The following SPHKAP variants were observed in gnomAD, a reference collection of about 807,000 sequenced individuals.
SPHKAP encodes SPHK1 interactor, AKAP domain containing, also known as A-kinase anchor protein SPHKAP.
In SPHKAP, 67 loss-of-function variants were observed where a neutral mutation model predicts 137.5. That is an observed-to-expected ratio of 0.49 (90% CI 0.40 to 0.60). The LOEUF is 0.60. Among genes scored for constraint, SPHKAP ranks in the 20% least tolerant of loss-of-function variants. The pLI, the probability that SPHKAP is intolerant of heterozygous loss-of-function variation, is 0.00. For synonymous variants in SPHKAP, 813 were observed against 785.3 expected (o/e 1.04, Z -0.59); for missense variants, 2,097 against 2,069.3 (o/e 1.01, Z -0.26).
chr2:228,097,562 T>A (rs1698025141), intron 3 of SPHKAP, among the ~76,000 whole-genome samples: 1 of 152,156 alleles, frequency 6.6e-6, no homozygotes. Context: ...GTTACATGGG[T>A]AAATTGTGTG....
At chr2:228,068,920 G>A (rs1696915333) in intron 3 of SPHKAP, among the ~76,000 whole-genome samples, 1 of 152,164 alleles carries the variant, frequency 6.6e-6, no homozygotes, top group Non-Finnish European at 1.5e-5. Flanking sequence ...TTTTCTAAGT[G>A]TTTTCTACTG....
At chr2:228,165,285 G>T (rs1271976995) in intron 1 of SPHKAP, among the ~76,000 whole-genome samples, 1 of 152,036 alleles carries the variant, frequency 6.6e-6, no homozygotes, top group African/African-American at 2.4e-5. Context: ...ACTGTTAGAA[G>T]TCCCACTACA....
chr2:228,005,380 C>CT (rs1185935801), intron 7 of SPHKAP, among the ~76,000 whole-genome samples: 1 of 152,080 alleles, frequency 6.6e-6, no homozygotes, highest in Non-Finnish European at 1.5e-5. Flanking sequence ...TAACCCCTGC[C>CT]TTTTTTTGTT....
At chr2:228,135,774 G>A (rs1699421609) in intron 1 of SPHKAP, among the ~76,000 whole-genome samples, 1 of 152,130 alleles carries the variant, frequency 6.6e-6, no homozygotes, top group Non-Finnish European at 1.5e-5. Flanking sequence ...CGAGGAAGTT[G>A]AGTCACATGG....
intron 3 of SPHKAP, among the ~76,000 whole-genome samples, chr2:228,092,142 CATATATACATATACATATATGTGTGT>C (rs1213489409): frequency 4.6e-5 from 6 of 129,538 alleles, no homozygotes; most frequent in African/African-American, 1.2e-4. Context: ...TGTGTGTACA[CATATATACATATACATATATGTGTGT>C]ACACACACAT....
chr2:228,124,060 C>T (rs550587917), intron 2 of SPHKAP, among the ~76,000 whole-genome samples: 66 of 151,586 alleles, frequency 4.4e-4, no homozygotes, highest in African/African-American at 1.5e-3. Flanking sequence ...GTTAGAATGG[C>T]AATCATTAAA....
At chr2:228,078,783 T>C (rs1697263594) in intron 3 of SPHKAP, among the ~76,000 whole-genome samples, 1 of 151,150 alleles carries the variant, frequency 6.6e-6, no homozygotes, top group African/African-American at 2.4e-5. Context: ...CAGCATAGAG[T>C]GGAGAGAGAT....
chr2:228,091,381 C>G (rs773297033), intron 3 of SPHKAP, among the ~76,000 whole-genome samples: 2 of 152,076 alleles, frequency 1.3e-5, no homozygotes, highest in African/African-American at 2.4e-5. Context: ...ACCAACAACC[C>G]AAAAGCAAAT....
At position 228,024,360 on chromosome 2, in the gene SPHKAP, T is replaced by A. The variant is rs72973344; in HGVS notation, c.441+1034A>T. On this transcript the variant is annotated intron_variant, in intron 5 of 11. Transcript: ENST00000392056. ...AGAGGCAGTTTTTTTTTTTTTTTTTTTAAATCTGTGAATTCTAGAAAGAAA... is the reference window on the plus strand; with the variant it reads ...AGAGGCAGTTTTTTTTTTTTTTTTTATAAATCTGTGAATTCTAGAAAGAAA... Among the ~76,000 whole-genome samples the A allele has an allele frequency of 5.1e-3, 721 of 142,504 alleles. 9 individuals carry two copies. Among genetic ancestry groups the A allele is most frequent in the African/African-American group, 6.0e-3 (227 of 37,878 alleles). 93.5% of individuals were successfully genotyped at this position (142,504 alleles called of 152,430 possible). A position where few individuals can be genotyped will look rare whatever the true frequency, so the allele number is the denominator to read the frequency against.
Position 228,018,706 on chromosome 2 carries a change from C to T in SPHKAP, c.2148G>A (p.Val716=). 2 of 1,614,194 alleles carry T rather than the reference C, an allele frequency of 1.2e-6. No homozygotes were observed. Residue 716 remains valine (V), a synonymous_variant, in exon 7 of 12, where the codon GTG becomes GTA. Coordinates refer to ENST00000392056, the MANE Select transcript of SPHKAP (RefSeq NM_001142644.2). ...TCATCTTCTTGAACGTGAAGCATAT[C>T]ACATCTAAAAGCAGTTGATTTGTAC... The part of the protein sequence containing the change: ...MESTNQLLLD[V]ICFTFKKMSH...
At position 228,092,079 on chromosome 2, in the gene SPHKAP, GTA is replaced by G. The variant is rs780218721; in HGVS notation, c.246+16751_246+16752del. The stretch of plus-strand genomic sequence containing the variant: ...GTGCAACATATATATGTCTATATAT[GTA>G]TATATATGTGTGTATATATGTATAT... On this transcript the variant is annotated intron_variant, in intron 3 of 11. Transcript: ENST00000392056. 4.8e-5 allele frequency among the ~76,000 whole-genome samples: 7 copies of G among 146,574 alleles called. No individual in the cohort carries two copies. In the East Asian group the frequency reaches 1.4e-3, roughly 29 times the overall value.
intron 2 of SPHKAP, among the ~76,000 whole-genome samples, chr2:228,113,451 C>T (rs1698581711): frequency 6.6e-6 from 1 of 152,006 alleles, no homozygotes; most frequent in East Asian, 1.9e-4. Flanking sequence ...TTTGCCCAGG[C>T]TTAGAGGGAT....
At chr2:228,144,095 C>T (rs1699691553) in intron 1 of SPHKAP, among the ~76,000 whole-genome samples, 1 of 152,128 alleles carries the variant, frequency 6.6e-6, no homozygotes, top group African/African-American at 2.4e-5. Flanking sequence ...TTCATTATTT[C>T]TTTCAGGACT....
At chr2:228,122,937 C>T (rs1332964413) in intron 2 of SPHKAP, among the ~76,000 whole-genome samples, 2 of 152,152 alleles carry the variant, frequency 1.3e-5, no homozygotes, top group Non-Finnish European at 2.9e-5. Flanking sequence ...GATGTACCAC[C>T]ACTCATAAAC....
chr2:228,108,450 T>C (rs775436581), intron 3 of SPHKAP, among the ~76,000 whole-genome samples: 1 of 152,120 alleles, frequency 6.6e-6, no homozygotes, highest in Non-Finnish European at 1.5e-5. Flanking sequence ...TGATGGAACA[T>C]TTGTAGACAC....
chr2:228,047,529 T>G (rs1044331812), intron 3 of SPHKAP, among the ~76,000 whole-genome samples: 1 of 151,314 alleles, frequency 6.6e-6, no homozygotes, highest in Non-Finnish European at 1.5e-5. Context: ...GTAAAGAAAC[T>G]GAATTACAGA....
Position 228,017,878 on chromosome 2 carries a change from C to T in SPHKAP, c.2976G>A (p.Val992=). ...TGAGCCGGGGAGGCTTGTGTTTCCT[C>T]ACAGCGGTCCCGCTCCCCTGGCTCT... ...KKESQGSGTA[V]RKHKPPRLSE... is the part of the protein sequence containing the mutation. The change falls in exon 7 of 12, where the codon GTG becomes GTA. Residue 992 remains valine (V), a synonymous_variant. Transcript: ENST00000392056. The T allele has an allele frequency of 1.9e-6, 3 of 1,614,030 alleles. No individual in the cohort carries two copies. Among genetic ancestry groups the T allele is most frequent in the Non-Finnish European group, 2.5e-6 (3 of 1,179,976 alleles).
chr2:228,159,322 GT>G (rs1314021264), intron 1 of SPHKAP, among the ~76,000 whole-genome samples: 1 of 152,178 alleles, frequency 6.6e-6, no homozygotes, highest in Non-Finnish European at 1.5e-5. Flanking sequence ...TAAGAGCAGG[GT>G]TGGGGGTGAG....
At chr2:227,997,988 C>T (rs1172146698) in intron 7 of SPHKAP, among the ~76,000 whole-genome samples, 1 of 152,124 alleles carries the variant, frequency 6.6e-6, no homozygotes, top group East Asian at 1.9e-4. Context: ...GCACTACTTG[C>T]AAGCTGGTAG....
Sources: gnomAD v4.1 joint callset for allele counts (sites outside exome capture counted in the v4.1 genomes callset) on GRCh38, gnomAD v4.1.1 for gene constraint, MANE v1.5 for transcripts, NCBI Gene and HGNC (gene_info 2026-07-23, HGNC 2026-07-21) for gene names.